CCR3: variants seen among roughly 807,000 people sequenced by gnomAD.
CCR3 encodes the protein C-C motif chemokine receptor 3.
For missense variants in CCR3, 419 were observed against 437.5 expected (o/e 0.96, Z 0.38); for synonymous variants, 203 against 179.2 (o/e 1.13, Z -1.06).
At chr3:46,232,112 A>ATT (rs1243697807) in intron 2 of CCR3, among the ~76,000 whole-genome samples, 1 of 152,154 alleles carries the variant, frequency 6.6e-6, no homozygotes, top group Non-Finnish European at 1.5e-5. Context: ...TCATCGTCAT[A>ATT]TTTATTTACT....
At chr3:46,218,311 T>A (rs1253205997) in intron 2 of CCR3, among the ~76,000 whole-genome samples, 1 of 150,482 alleles carries the variant, frequency 6.6e-6, no homozygotes, top group Non-Finnish European at 1.5e-5. Flanking sequence ...AGCAGCAAGA[T>A]TAAAATGGTA....
At chr3:46,264,624 TA>T (rs1334907768) in intron 1 of CCR3, 2 of 567,756 alleles carry the variant, frequency 3.5e-6, no homozygotes, top group African/African-American at 3.9e-5. Flanking sequence ...ATTTCCCCAT[TA>T]ACTATAATGA....
intron 1 of CCR3, among the ~76,000 whole-genome samples, chr3:46,243,584 G>A (rs1238599796): frequency 6.6e-6 from 1 of 152,148 alleles, no homozygotes; most frequent in African/African-American, 2.4e-5. Flanking sequence ...GACAGAGGAT[G>A]AGTGTTAACT....
intron 2 of CCR3, among the ~76,000 whole-genome samples, chr3:46,230,145 G>A (rs1453264307): frequency 6.6e-6 from 1 of 152,120 alleles, no homozygotes; most frequent in Non-Finnish European, 1.5e-5. Flanking sequence ...GGGTGCATAG[G>A]AAAGGTAAGA....
intron 2 of CCR3, among the ~76,000 whole-genome samples, chr3:46,225,052 T>G (rs1699879091): frequency 1.3e-5 from 2 of 152,184 alleles, no homozygotes; most frequent in East Asian, 3.9e-4. Context: ...TTATCAGTAG[T>G]AAAACAGATA....
At chr3:46,242,304 C>T (rs200123233), upstream of CCR3, 8 of 152,226 alleles carry the variant, frequency 5.3e-5, no homozygotes, top group South Asian at 1.5e-3. Flanking sequence ...TGAAAACTTG[C>T]AAAACTGAGA....
intron 1 of CCR3, among the ~76,000 whole-genome samples, chr3:46,247,729 C>G (rs1700223907): frequency 6.6e-6 from 1 of 152,072 alleles, no homozygotes; most frequent in Non-Finnish European, 1.5e-5. Flanking sequence ...AAGGCCTCTA[C>G]CTATCTAGTG....
chr3:46,254,709 T>C (rs1268929997), intron 1 of CCR3, among the ~76,000 whole-genome samples: 1 of 152,172 alleles, frequency 6.6e-6, no homozygotes, highest in Non-Finnish European at 1.5e-5. Flanking sequence ...ACATCTTAGC[T>C]CTCACTTATG....
chr3:46,227,167 A>G (rs1032620168), intron 2 of CCR3, among the ~76,000 whole-genome samples: 1 of 152,144 alleles, frequency 6.6e-6, no homozygotes, highest in Non-Finnish European at 1.5e-5. Context: ...TACAGACCTG[A>G]GCCACCACGC....
chr3:46,240,776 C>T (rs991214802), upstream of CCR3, among the ~76,000 whole-genome samples: 1 of 152,126 alleles, frequency 6.6e-6, no homozygotes, highest in East Asian at 1.9e-4. Flanking sequence ...CTAGGCATTG[C>T]TACATCATTT....
intron 1 of CCR3, chr3:46,264,516 G>A: frequency 9.8e-7 from 1 of 1,021,818 alleles, no homozygotes; most frequent in Non-Finnish European, 1.4e-6. Context: ...TCTAGTGACA[G>A]GAGAAATGGA....
At position 46,266,070 on chromosome 3, in the gene CCR3, T is replaced by G. The variant is rs1700626894; in HGVS notation, c.912T>G (p.Val304=). 6.2e-7 allele frequency: 1 copy of G among 1,613,954 alleles called. No individual in the cohort carries two copies. Among genetic ancestry groups the G allele is most frequent in the Admixed American group, 1.7e-5 (1 of 60,000 alleles). The part of the protein sequence containing the change: ...CCMNPVIYAF[V]GERFRKYLRH... ...TGAACCCGGTGATCTACGCCTTTGTTGGAGAGAGGTTCCGGAAGTACCTGC... is the reference window on the plus strand; with the variant it reads ...TGAACCCGGTGATCTACGCCTTTGTGGGAGAGAGGTTCCGGAAGTACCTGC... The change falls in exon 2 of 2, where the codon GTT becomes GTG. Residue 304 remains valine, a synonymous_variant. Transcript: ENST00000395940.
chr3:46,241,762 C>G (rs1278512964), upstream of CCR3, among the ~76,000 whole-genome samples: 1 of 152,146 alleles, frequency 6.6e-6, no homozygotes, highest in Non-Finnish European at 1.5e-5. Context: ...TTGCCCCATC[C>G]AAGTGTCTAC....
intron 1 of CCR3, among the ~76,000 whole-genome samples, chr3:46,255,746 T>C (rs1424314985): frequency 6.6e-6 from 1 of 152,216 alleles, no homozygotes; most frequent in Non-Finnish European, 1.5e-5. Flanking sequence ...TTCTGTTCCA[T>C]TGGTCTATAT....
In CCR3 at chr3:46,265,204, T is replaced by C. The variant is rs1700594848; in HGVS notation, c.46T>C (p.Tyr16His). The C allele has an allele frequency of 6.2e-7, 1 of 1,614,058 alleles. No individual in the cohort carries two copies. The highest frequency in any genetic ancestry group is 2.2e-5 in the East Asian group (1 of 44,866). The change falls in exon 2 of 2, where the codon TAC (tyrosine) becomes CAC (histidine). Residue 16 changes from tyrosine to histidine, a missense_variant. By Grantham distance (83) the Tyr-to-His change is moderately conservative. Coordinates refer to ENST00000395940, the MANE Select transcript of CCR3 (RefSeq NM_178329.3). Reference sequence around the variant, plus strand: ...AGTTGAGACCTTTGGTACCACATCCTACTATGATGACGTGGGCCTGCTCTG... The same window carrying C: ...AGTTGAGACCTTTGGTACCACATCCCACTATGATGACGTGGGCCTGCTCTG... ...DTVETFGTTS[Y>H]YDDVGLLCEK...
chr3:46,219,510 G>T (rs953147069), intron 2 of CCR3, among the ~76,000 whole-genome samples: 2 of 151,980 alleles, frequency 1.3e-5, no homozygotes, highest in African/African-American at 4.8e-5. Context: ...AACCAAAAAA[G>T]AGCCCACAAA....
At chr3:46,257,695 G>A (rs1226583870) in intron 1 of CCR3, among the ~76,000 whole-genome samples, 2 of 152,100 alleles carry the variant, frequency 1.3e-5, no homozygotes, top group African/African-American at 4.8e-5. Context: ...TCCAGAGACA[G>A]AACCAATAGG....
intron 2 of CCR3, among the ~76,000 whole-genome samples, chr3:46,232,520 G>C (rs1224790034): frequency 6.6e-6 from 1 of 152,204 alleles, no homozygotes; most frequent in Non-Finnish European, 1.5e-5. Context: ...TCTAGGGATT[G>C]GGCCTGCCTC....
intron 1 of CCR3, among the ~76,000 whole-genome samples, chr3:46,249,761 G>A (rs1025258346): frequency 8.5e-5 from 13 of 152,128 alleles, no homozygotes; most frequent in Admixed American, 7.9e-4. Context: ...CAAGCTCCTC[G>A]GGGAGGAGGT....
Sources: allele counts gnomAD v4.1 joint callset (sites outside exome capture counted in the v4.1 genomes callset), GRCh38; gene constraint gnomAD v4.1.1; transcripts MANE v1.5; gene names NCBI Gene and HGNC (gene_info 2026-07-23, HGNC 2026-07-21).